Variants in MAP3K20 observed in about 807,000 individuals in gnomAD.
The protein encoded by MAP3K20 is HCCS-4.
MAP3K20 carries 40 observed loss-of-function variants against 85.7 expected under a neutral mutation model. That is an observed-to-expected ratio of 0.47 (90% CI 0.36 to 0.61). MAP3K20 has a LOEUF of 0.61. MAP3K20 is among the 20% of genes least tolerant of loss of function. The pLI is 0.00. For missense variants in MAP3K20, 817 were observed against 961.7 expected, an observed-to-expected ratio of 0.85 and a Z score of 1.99; for synonymous variants, 325 against 327.7, an observed-to-expected ratio of 0.99 and a Z score of 0.09.
At chr2:173,084,343 G>C (rs1687088636) in intron 1 of MAP3K20, among the ~76,000 whole-genome samples, 1 of 151,612 alleles carries the variant, frequency 6.6e-6, no homozygotes, top group South Asian at 2.1e-4. Flanking sequence ...ACTGGGGAAG[G>C]AGGGGATGCT....
intron 11 of MAP3K20, among the ~76,000 whole-genome samples, chr2:173,219,878 A>G (rs1406407325): frequency 1.3e-5 from 2 of 152,014 alleles, no homozygotes; most frequent in African/African-American, 4.8e-5. Context: ...ACCAGCCTGG[A>G]CAGCATAGTG....
intron 11 of MAP3K20, chr2:173,224,422 A>G (rs1310535586): frequency 2.0e-6 from 2 of 985,292 alleles, no homozygotes; most frequent in South Asian, 4.7e-5. Flanking sequence ...GTTCTGATGC[A>G]TTAATAAAAG....
intron 11 of MAP3K20, among the ~76,000 whole-genome samples, chr2:173,218,765 CT>C (rs1684149449): frequency 1.3e-5 from 2 of 152,348 alleles, no homozygotes; most frequent in South Asian, 2.1e-4. Context: ...CAGAACCTTT[CT>C]TTAGTTTATT....
intron 11 of MAP3K20, 102 bp from the exon 12 acceptor site, chr2:173,229,587 A>G (rs143521769): frequency 7.3e-6 from 11 of 1,516,794 alleles, no homozygotes; most frequent in Admixed American, 1.8e-5. Flanking sequence ...GAACCAAGCC[A>G]GAGCAGCAGC....
At chr2:173,132,630 TC>T (rs1688650604) in intron 2 of MAP3K20, among the ~76,000 whole-genome samples, 1 of 152,182 alleles carries the variant, frequency 6.6e-6, no homozygotes. Flanking sequence ...TGTAAGCTTT[TC>T]CCCTCCCCTG....
chr2:173,182,977 T>TCAAA (rs1559267087), intron 4 of MAP3K20, 22 bp downstream of exon 4: 26 of 1,572,950 alleles, frequency 1.7e-5, no homozygotes, highest in Non-Finnish European at 2.3e-5. Context: ...TGGTATATTC[T>TCAAA]TATAGAATTA....
chr2:173,113,851 A>G (rs1358910711), intron 2 of MAP3K20, among the ~76,000 whole-genome samples: 3 of 152,134 alleles, frequency 2.0e-5, no homozygotes, highest in African/African-American at 7.2e-5. Context: ...GTTGAATAAA[A>G]TGTGTATTTT....
chr2:173,107,227 C>T (rs1687807561), intron 2 of MAP3K20, among the ~76,000 whole-genome samples: 1 of 152,118 alleles, frequency 6.6e-6, no homozygotes, highest in South Asian at 2.1e-4. Context: ...GAGGGGCTCC[C>T]CACCAAGCTC....
rs796597580 is a variant in MAP3K20 at position 173,108,139 on chromosome 2, T to TA, written c.159+16949_159+16950insA. On this transcript the variant is annotated intron_variant, in intron 2 of 19. Transcript: ENST00000375213. ...GTTATAAACTGGGATTTTTATTTTT[T>TA]TTTTTATTTTTTTTTGAGATGGAGT... 1.8e-3 allele frequency among the ~76,000 whole-genome samples: 230 copies of TA among 124,450 alleles called. 1 individual carries two copies. Among genetic ancestry groups the TA allele is most frequent in the African/African-American group, 5.5e-3 (217 of 39,500 alleles). 81.6% of individuals were successfully genotyped at this position (124,450 alleles called of 152,430 possible). A position where few individuals can be genotyped will look rare whatever the true frequency, so the allele number is the denominator to read the frequency against.
At chr2:173,082,504 T>C (rs894727370) in intron 1 of MAP3K20, among the ~76,000 whole-genome samples, 8 of 152,206 alleles carry the variant, frequency 5.3e-5, no homozygotes, top group Non-Finnish European at 1.2e-4. Context: ...GATGGTCTGA[T>C]ACTTTCTATT....
At chr2:173,131,395 A>G (rs991687051) in intron 2 of MAP3K20, among the ~76,000 whole-genome samples, 1 of 152,202 alleles carries the variant, frequency 6.6e-6, no homozygotes, top group African/African-American at 2.4e-5. Flanking sequence ...GGAGATAGGG[A>G]AAGAGTTGCT....
intron 2 of MAP3K20, among the ~76,000 whole-genome samples, chr2:173,098,398 T>C (rs977419735): frequency 1.3e-5 from 2 of 152,234 alleles, no homozygotes; most frequent in Non-Finnish European, 2.9e-5. Flanking sequence ...AAGTGGAAAA[T>C]ATCACACCTG....
intron 2 of MAP3K20, among the ~76,000 whole-genome samples, chr2:173,129,231 A>C (rs1233659792): frequency 6.6e-6 from 1 of 152,194 alleles, no homozygotes; most frequent in Non-Finnish European, 1.5e-5. Flanking sequence ...TAGAAATCTT[A>C]AACATTTAAA....
intron 5 of MAP3K20, among the ~76,000 whole-genome samples, chr2:173,189,953 C>T (rs1690599590): frequency 1.3e-5 from 2 of 152,140 alleles, no homozygotes. Flanking sequence ...AAGTGATGCC[C>T]TTGCCTCCAG....
At chr2:173,076,026 G>A (rs1686842484) in intron 1 of MAP3K20, 24 bp downstream of exon 1, 7 of 984,012 alleles carry the variant, frequency 7.1e-6, no homozygotes, top group Middle Eastern at 5.2e-4. Context: ...TGGAGCCCGC[G>A]GAGGGCGGGG....
At chr2:173,100,761 A>T (rs1406389282) in intron 2 of MAP3K20, among the ~76,000 whole-genome samples, 1 of 152,132 alleles carries the variant, frequency 6.6e-6, no homozygotes, top group Non-Finnish European at 1.5e-5. Context: ...GGAATTTTAA[A>T]CGTGTCACTG....
Position 173,097,612 on chromosome 2 carries a change from C to T in MAP3K20, c.159+6422C>T, listed in dbSNP as rs1296897801. 4.6e-5 allele frequency among the ~76,000 whole-genome samples: 7 copies of T among 152,014 alleles called. No homozygotes were observed. In the East Asian group the frequency reaches 1.2e-3, roughly 25 times the overall value. The stretch of plus-strand genomic sequence containing the variant: ...ATCTGTCTTGGCTTTTGTAAGACAC[C>T]ACTACCCTTATTTTAAAAGAAAAAG... On this transcript the variant is annotated intron_variant, in intron 2 of 19. Transcript: ENST00000375213.
chr2:173,181,025 A>G (rs1690309409), intron 3 of MAP3K20, among the ~76,000 whole-genome samples: 1 of 152,192 alleles, frequency 6.6e-6, no homozygotes, highest in Non-Finnish European at 1.5e-5. Flanking sequence ...ACTAAAAAAA[A>G]TTATTAGAAC....
chr2:173,076,239 G>T (rs1427556418), intron 1 of MAP3K20, among the ~76,000 whole-genome samples: 1 of 151,850 alleles, frequency 6.6e-6, no homozygotes, highest in Non-Finnish European at 1.5e-5. Context: ...GTCCTCGCGG[G>T]ACCTTGGCCG....
Sources: gnomAD v4.1 joint callset for allele counts (sites outside exome capture counted in the v4.1 genomes callset) on GRCh38, gnomAD v4.1.1 for gene constraint, MANE v1.5 for transcripts, NCBI Gene and HGNC (gene_info 2026-07-23, HGNC 2026-07-21) for gene names.